Variants in CSRNP3 observed in about 807,000 individuals in gnomAD.
The protein encoded by CSRNP3 is cysteine/serine-rich nuclear protein 3.
Under a neutral mutation model 48.0 loss-of-function variants are expected in CSRNP3, and 12 were observed. That is an observed-to-expected ratio of 0.25 (90% CI 0.16 to 0.41). The LOEUF is 0.41. CSRNP3 is among the 10% of genes least tolerant of loss of function. The probability of loss-of-function intolerance (pLI) is 1.00; values close to 1 mark genes in which losing one functional copy is unlikely to be tolerated. For missense variants in CSRNP3, 580 were observed against 724.4 expected, an observed-to-expected ratio of 0.80 and a Z score of 2.29; for synonymous variants, 263 against 269.7, an observed-to-expected ratio of 0.98 and a Z score of 0.24.
At chr2:165,476,224 T>C (rs1434306436) in intron 1 of CSRNP3, among the ~76,000 whole-genome samples, 1 of 152,196 alleles carries the variant, frequency 6.6e-6, no homozygotes, top group African/African-American at 2.4e-5. Flanking sequence ...ATTTGTGGTC[T>C]GTTCTGGTGA....
In CSRNP3 at chr2:165,681,726, CATATATATATATATAT is replaced by C. The variant is rs1159941595; in HGVS notation, c.*1993_*2008del. 1.9e-4 allele frequency: 18 copies of C among 93,690 alleles called. No individual in the cohort carries two copies. Among genetic ancestry groups the C allele is most frequent in the East Asian group, 1.1e-3 (3 of 2,804 alleles). 5.8% of individuals were successfully genotyped at this position (93,690 alleles called of 1,614,324 possible). On this transcript the variant is annotated 3_prime_UTR_variant, in exon 7 of 7. Coordinates refer to ENST00000651982, the MANE Select transcript of CSRNP3 (RefSeq NM_001172173.2). ...AGGATTTGTTGAAATCTCAAATATACATATATATATATATATATATATATATATATATATACACACA... is the reference window on the plus strand; with the variant it reads ...AGGATTTGTTGAAATCTCAAATATACATATATATATATATATATACACACA...
At chr2:165,531,803 C>G (rs1479739732) in intron 3 of CSRNP3, among the ~76,000 whole-genome samples, 6 of 151,790 alleles carry the variant, frequency 4.0e-5, no homozygotes, top group Non-Finnish European at 8.8e-5. Context: ...AAAATTGATA[C>G]ACCGCTAGCA....
At chr2:165,657,302 A>G (rs1226523266) in intron 4 of CSRNP3, among the ~76,000 whole-genome samples, 2 of 152,154 alleles carry the variant, frequency 1.3e-5, no homozygotes, top group Non-Finnish European at 2.9e-5. Context: ...GCTTTATTTT[A>G]CTGTTAGCTG....
At chr2:165,663,681 T>G (rs1460517180) in intron 5 of CSRNP3, among the ~76,000 whole-genome samples, 3 of 152,226 alleles carry the variant, frequency 2.0e-5, no homozygotes, top group Non-Finnish European at 2.9e-5. Flanking sequence ...ATTGCACTGA[T>G]TCTACTGATT....
chr2:165,520,784 T>TATATACATATATATATATATTATATAC (rs1491115348), intron 3 of CSRNP3, among the ~76,000 whole-genome samples: 45 of 3,206 alleles, frequency 0.014, 2 homozygotes, highest in African/African-American at 0.083. Flanking sequence ...ATATATATAT[T>TATATACATATATATATATATTATATAC]ATATATATAT....
chr2:165,570,362 G>A (rs775511166), intron 3 of CSRNP3, among the ~76,000 whole-genome samples: 2 of 151,912 alleles, frequency 1.3e-5, no homozygotes, highest in Non-Finnish European at 2.9e-5. Context: ...TACTGGCAAT[G>A]TGTTTTAATT....
chr2:165,470,378 G>A (rs10497261), intron 1 of CSRNP3, among the ~76,000 whole-genome samples: 47,819 of 151,888 alleles, frequency 0.31, 7,637 homozygotes, highest in Admixed American at 0.37. Context: ...TTAAACAATG[G>A]TTTGTCTCTA....
At chr2:165,514,513 C>A (rs1478255255) in intron 2 of CSRNP3, among the ~76,000 whole-genome samples, 1 of 152,234 alleles carries the variant, frequency 6.6e-6, no homozygotes, top group African/African-American at 2.4e-5. Flanking sequence ...TTCTGTCTCT[C>A]ACATGTGTGC....
chr2:165,644,041 A>G (rs1283698742), intron 4 of CSRNP3, among the ~76,000 whole-genome samples: 1 of 152,202 alleles, frequency 6.6e-6, no homozygotes, highest in Non-Finnish European at 1.5e-5. Context: ...ATACATTATC[A>G]GCAGGATTTC....
rs1223235016 is a variant in CSRNP3, at chr2:165,683,975, A to C, written c.*4222A>C. ...CTAGGACTGAATCAAATGAAAAAGA[A>C]ATTTTCGATTAATTGCTTCTTCAAT... On this transcript the variant is annotated 3_prime_UTR_variant, in exon 7 of 7. Coordinates refer to ENST00000651982, the MANE Select transcript of CSRNP3 (RefSeq NM_001172173.2). 2.0e-5 allele frequency: 3 copies of C among 152,150 alleles called. No individual in the cohort carries two copies. Among genetic ancestry groups the C allele is most frequent in the Non-Finnish European group, 4.4e-5 (3 of 68,006 alleles). 9.4% of individuals were successfully genotyped at this position (152,150 alleles called of 1,614,324 possible). A position where few individuals can be genotyped will look rare whatever the true frequency, so the allele number is the denominator to read the frequency against.
At chr2:165,674,681 AATATATATATAT>A (rs59117817) in intron 5 of CSRNP3, among the ~76,000 whole-genome samples, 106 of 103,200 alleles carry the variant, frequency 1.0e-3, no homozygotes, top group East Asian at 9.6e-3. Context: ...AATACTTCTG[AATATATATATAT>A]ATATATATAT....
At chr2:165,677,339 A>G (rs553615608) in intron 6 of CSRNP3, among the ~76,000 whole-genome samples, 28 of 152,352 alleles carry the variant, frequency 1.8e-4, no homozygotes, top group African/African-American at 6.5e-4. Flanking sequence ...CCCACAAAGC[A>G]TAAAATATTG....
chr2:165,619,494 C>T lies in CSRNP3; in HGVS notation c.148+24281C>T, dbSNP rs141784724. ...ACCTATGAATTTTTTCATGCCCTAT[C>T]GTACCTCATAGCTACTGGCAAAGTC... On this transcript the variant is annotated intron_variant, in intron 4 of 6. Transcript: ENST00000651982. Among the ~76,000 whole-genome samples, 555 of 152,142 alleles carry T rather than the reference C, an allele frequency of 3.6e-3. 6 individuals carry two copies. Among genetic ancestry groups the T allele is most frequent in the African/African-American group, 0.013 (533 of 41,520 alleles).
chr2:165,647,878 G>C (rs1686839340), intron 4 of CSRNP3, among the ~76,000 whole-genome samples: 1 of 152,054 alleles, frequency 6.6e-6, no homozygotes, highest in African/African-American at 2.4e-5. Flanking sequence ...CTGTAGGTTA[G>C]GTGTATTAAA....
chr2:165,519,247 A>G (rs1317346580), intron 3 of CSRNP3, among the ~76,000 whole-genome samples: 2 of 151,746 alleles, frequency 1.3e-5, no homozygotes, highest in African/African-American at 4.8e-5. Flanking sequence ...TCACCTATGA[A>G]AAGAGCAAAG....
In CSRNP3 at chr2:165,684,846, A is replaced by G. The variant is rs1279933421; in HGVS notation, c.*5093A>G. On this transcript the variant is annotated 3_prime_UTR_variant, in exon 7 of 7. Coordinates refer to ENST00000651982, the MANE Select transcript of CSRNP3 (RefSeq NM_001172173.2). ...GTGGTGTCTTCTAGGAATTATGAAA[A>G]AAAAAGCTCAGCAGAGCTAAGCCAG... 3 of 152,042 alleles carry G rather than the reference A, an allele frequency of 2.0e-5. No homozygotes were observed. The highest frequency in any genetic ancestry group is 4.4e-5 in the Non-Finnish European group (3 of 67,974). The allele number at this position is 152,042 out of a possible 1,614,324, so 9.4% of individuals were successfully genotyped here. A position where few individuals can be genotyped will look rare whatever the true frequency, so the allele number is the denominator to read the frequency against.
At chr2:165,553,608 G>A (rs556373866) in intron 3 of CSRNP3, among the ~76,000 whole-genome samples, 39 of 151,904 alleles carry the variant, frequency 2.6e-4, no homozygotes, top group African/African-American at 8.0e-4. Flanking sequence ...GTTTCTCTCC[G>A]CCCTCATCTT....
chr2:165,593,956 C>T (rs1244852973), intron 3 of CSRNP3, among the ~76,000 whole-genome samples: 2 of 152,104 alleles, frequency 1.3e-5, no homozygotes, highest in Non-Finnish European at 2.9e-5. Flanking sequence ...ACAGTCAAAA[C>T]AGAGTCAAAA....
At chr2:165,513,961 G>A (rs16850820) in intron 2 of CSRNP3, among the ~76,000 whole-genome samples, 29,904 of 152,156 alleles carry the variant, frequency 0.2, 3,174 homozygotes, top group African/African-American at 0.25. Context: ...ATATTAGAAA[G>A]GAGCAGATGT....
Sources: allele counts gnomAD v4.1 joint callset (sites outside exome capture counted in the v4.1 genomes callset), GRCh38; gene constraint gnomAD v4.1.1; transcripts MANE v1.5; gene names NCBI Gene and HGNC (gene_info 2026-07-23, HGNC 2026-07-21).